PIAS2: variants seen among roughly 807,000 people sequenced by gnomAD.
PIAS2 encodes protein inhibitor of activated STAT 2.
PIAS2 carries 19 observed loss-of-function variants against 69.7 expected under a neutral mutation model. That is an observed-to-expected ratio of 0.27 (90% CI 0.19 to 0.40). PIAS2 has a LOEUF of 0.40. Ranked by LOEUF, PIAS2 falls within the 10% of genes least tolerant of loss-of-function variation. The probability of loss-of-function intolerance (pLI) is 1.00; values close to 1 mark genes in which losing one functional copy is unlikely to be tolerated. For missense variants in PIAS2, 624 were observed against 757.0 expected, an observed-to-expected ratio of 0.82 and a Z score of 2.06; for synonymous variants, 261 against 263.2, an observed-to-expected ratio of 0.99 and a Z score of 0.08.
At chr18:46,865,456 C>CTTGAACCTGGGAGGTGGAGG (rs2049292459) in intron 2 of PIAS2, among the ~76,000 whole-genome samples, 1 of 150,058 alleles carries the variant, frequency 6.7e-6, no homozygotes, top group African/African-American at 2.5e-5. Flanking sequence ...AGAAGAATCG[C>CTTGAACCTGGGAGGTGGAGG]TTGAACCTGG....
rs558488438 is a variant in PIAS2, at chr18:46,820,981, C to T, written c.1600G>A (p.Val534Ile). ...AIPPSLTDYSVPFHHTPISSM... is the reference protein window; with the variant it reads ...AIPPSLTDYSIPFHHTPISSM... The stretch of plus-strand genomic sequence containing the variant: ...GATATTGGCGTATGGTGGAATGGTA[C>T]TGAGTAGTCTGTTAATGAAGGCGGA... The change falls in exon 12 of 14, where the codon GTA (valine) becomes ATA (isoleucine). Residue 534 changes from valine (V) to isoleucine (I), a missense_variant. Coordinates refer to ENST00000585916, the MANE Select transcript of PIAS2 (RefSeq NM_004671.5). 1.8e-4 allele frequency: 283 copies of T among 1,613,448 alleles called. 4 individuals are homozygous for T. The South Asian group carries it at 2.6e-3, about 15-fold the overall frequency.
In PIAS2 at chr18:46,917,362, G is replaced by GCGC; in HGVS notation, c.-20_-18dup. Reference sequence around the variant, plus strand: ...ATCCGCCATTTTATACCACCCGCGGGCGCCGCCGCCGCTGCCGCCGCACCC... The same window carrying GCGC: ...ATCCGCCATTTTATACCACCCGCGGGCGCCGCCGCCGCCGCTGCCGCCGCACCC... On this transcript the variant is annotated 5_prime_UTR_variant, in exon 1 of 14. Coordinates refer to ENST00000585916, the MANE Select transcript of PIAS2 (RefSeq NM_004671.5). 14 of 1,460,776 alleles carry GCGC rather than the reference G, an allele frequency of 9.6e-6. No individual in the cohort carries two copies. Among genetic ancestry groups the GCGC allele is most frequent in the Non-Finnish European group, 9.1e-6 (10 of 1,101,096 alleles). 90.5% of individuals were successfully genotyped at this position (1,460,776 alleles called of 1,614,324 possible).
At position 46,876,929 on chromosome 18, in the gene PIAS2, T is replaced by C. The variant is rs560788144; in HGVS notation, c.500-12681A>G. 1.5e-3 allele frequency among the ~76,000 whole-genome samples: 223 copies of C among 152,260 alleles called. 1 individual carries two copies. The highest frequency in any genetic ancestry group is 1.3e-3 in the Non-Finnish European group (86 of 68,018). On this transcript the variant is annotated intron_variant, in intron 2 of 13. Transcript: ENST00000585916. ...GTTAGCCAGGATGGTCTCGATCTCC[T>C]GACCTCATGATCCACCTGCCTCAGC...
intron 2 of PIAS2, among the ~76,000 whole-genome samples, chr18:46,877,011 T>G (rs552222306): frequency 6.6e-6 from 1 of 152,326 alleles, no homozygotes; most frequent in South Asian, 2.1e-4. Flanking sequence ...CCTTCACTAA[T>G]TTAATGGAAA....
rs1359633248 is a variant in PIAS2 at position 46,855,538 on chromosome 18, T to G, written c.635+27A>C. The G allele has an allele frequency of 4.4e-6, 7 of 1,604,532 alleles. No individual in the cohort carries two copies. The African/African-American group carries it at 5.4e-5, about 12-fold the overall frequency. Reference sequence around the variant, plus strand: ...TGCACATAGTAAGCAAGTATAAAACTAAGGTAACAGAAAATTTCAAACTCA... The same window carrying G: ...TGCACATAGTAAGCAAGTATAAAACGAAGGTAACAGAAAATTTCAAACTCA... On this transcript the variant is annotated intron_variant, in intron 4 of 13. Coordinates refer to ENST00000585916, the MANE Select transcript of PIAS2 (RefSeq NM_004671.5).
Position 46,806,248 on chromosome 18 carries a change from C to A in PIAS2, c.*6185G>T. ...ATTCACTGTGACCTTGGGAAACTTA[C>A]CTAAACCTGTTTCATTTGTAAAATG... is the stretch of plus-strand genomic sequence containing the variant. On this transcript the variant is annotated 3_prime_UTR_variant, in exon 14 of 14. Coordinates refer to ENST00000585916, the MANE Select transcript of PIAS2 (RefSeq NM_004671.5). 1 of 151,304 alleles carries A rather than the reference C, an allele frequency of 6.6e-6. No individual in the cohort carries two copies. The highest frequency in any genetic ancestry group is 2.4e-5 in the African/African-American group (1 of 41,242). The allele number at this position is 151,304 out of a possible 1,614,324, so 9.4% of individuals were successfully genotyped here. A position where few individuals can be genotyped will look rare whatever the true frequency, so the allele number is the denominator to read the frequency against.
intron 8 of PIAS2, among the ~76,000 whole-genome samples, chr18:46,843,186 G>C (rs2045675188): frequency 6.6e-6 from 1 of 152,070 alleles, no homozygotes; most frequent in Non-Finnish European, 1.5e-5. Flanking sequence ...CCTCCACACA[G>C]GTTTGCTAAG....
At position 46,809,470 on chromosome 18, in the gene PIAS2, T is replaced by G. The variant is rs1314181969; in HGVS notation, c.*2963A>C. 1.3e-5 allele frequency: 2 copies of G among 152,172 alleles called. No homozygotes were observed. Among genetic ancestry groups the G allele is most frequent in the Non-Finnish European group, 2.9e-5 (2 of 68,068 alleles). The allele number at this position is 152,172 out of a possible 1,614,324, so 9.4% of individuals were successfully genotyped here. A position where few individuals can be genotyped will look rare whatever the true frequency, so the allele number is the denominator to read the frequency against. ...GTGAAGAAAGATAAAAACATTTTATTTTGGCCAGGCGCGGTGGCTCACGCC... is the reference window on the plus strand; with the variant it reads ...GTGAAGAAAGATAAAAACATTTTATGTTGGCCAGGCGCGGTGGCTCACGCC... On this transcript the variant is annotated 3_prime_UTR_variant, in exon 14 of 14. Coordinates refer to ENST00000585916, the MANE Select transcript of PIAS2 (RefSeq NM_004671.5).
chr18:46,861,490 G>A (rs1017778727), intron 3 of PIAS2, among the ~76,000 whole-genome samples: 1 of 152,056 alleles, frequency 6.6e-6, no homozygotes, highest in African/African-American at 2.4e-5. Flanking sequence ...ATCAACAAAG[G>A]AACAAACAGT....
intron 5 of PIAS2, among the ~76,000 whole-genome samples, chr18:46,850,171 T>C (rs2145340550): frequency 6.6e-6 from 1 of 152,324 alleles, no homozygotes; most frequent in South Asian, 2.1e-4. Context: ...TACTTACCCA[T>C]GAACAATCTT....
intron 1 of PIAS2, among the ~76,000 whole-genome samples, chr18:46,892,320 A>C (rs71364569): frequency 0.014 from 2,127 of 152,322 alleles, 15 homozygotes; most frequent in Non-Finnish European, 0.021. Flanking sequence ...CACTGTCATA[A>C]CTGTACTTTG....
intron 2 of PIAS2, among the ~76,000 whole-genome samples, chr18:46,873,931 T>C (rs1600092518): frequency 6.6e-6 from 1 of 151,882 alleles, no homozygotes; most frequent in Admixed American, 6.6e-5. Context: ...AAAGGAGAAG[T>C]TAATAAAAAT....
Position 46,815,406 on chromosome 18 carries a change from T to C in PIAS2, c.1649-57A>G, listed in dbSNP as rs949790374. The stretch of plus-strand genomic sequence containing the variant: ...TCATATTTTGGGAGACCAGAATTAT[T>C]TCCCTAAATCATCTTTATCACAAAT... On this transcript the variant is annotated intron_variant, in intron 12 of 13. Transcript: ENST00000585916. 2.5e-6 allele frequency: 4 copies of C among 1,606,578 alleles called. No individual in the cohort carries two copies. In the African/African-American group the frequency reaches 4.0e-5, roughly 16 times the overall value.
chr18:46,884,228 T>C (rs1160363297), intron 2 of PIAS2, among the ~76,000 whole-genome samples: 2 of 152,166 alleles, frequency 1.3e-5, no homozygotes, highest in Admixed American at 1.3e-4. Context: ...TTAACATGTT[T>C]TATATACATA....
chr18:46,902,012 G>C (rs964470258), intron 1 of PIAS2, among the ~76,000 whole-genome samples: 1 of 152,084 alleles, frequency 6.6e-6, no homozygotes, highest in African/African-American at 2.4e-5. Context: ...TGTTCACATA[G>C]AAAATCTCAA....
chr18:46,829,265 A>C (rs1454306306), intron 10 of PIAS2, among the ~76,000 whole-genome samples: 1 of 152,146 alleles, frequency 6.6e-6, no homozygotes, highest in Non-Finnish European at 1.5e-5. Flanking sequence ...CAATGTTAAA[A>C]TTCTTCTCCA....
At position 46,829,796 on chromosome 18, in the gene PIAS2, C is replaced by T; in HGVS notation, c.1274G>A (p.Cys425Tyr). The T allele has an allele frequency of 1.2e-6, 2 of 1,612,400 alleles. No individual in the cohort carries two copies. Among genetic ancestry groups the T allele is most frequent in the Non-Finnish European group, 1.7e-6 (2 of 1,178,564 alleles). The part of the protein sequence containing the change: ...EIKFQEDGSW[C>Y]PMRPKKEAMK... ...AGCTTCTTTCTTCGGTCTCATTGGA[C>T]ACCAAGAACCATCTTCTTGGAATTT... Residue 425 changes from cysteine (C) to tyrosine (Y), a missense_variant, in exon 10 of 14, where the codon TGT becomes TAT. By Grantham distance (194) the Cys-to-Tyr change is radical (BLOSUM62 -2). This residue lies in a region of PIAS2 where 241 missense variants were observed against 257.3 expected (regional missense o/e 0.94). Coordinates refer to ENST00000585916, the MANE Select transcript of PIAS2 (RefSeq NM_004671.5).
chr18:46,907,500 C>G (rs919613533), intron 1 of PIAS2: 1 of 151,832 alleles, frequency 6.6e-6, no homozygotes, highest in Non-Finnish European at 1.5e-5. Context: ...ATCTGGCAAA[C>G]GAAACAGAAA....
chr18:46,880,527 C>A (rs2052052660), intron 2 of PIAS2, among the ~76,000 whole-genome samples: 1 of 152,148 alleles, frequency 6.6e-6, no homozygotes. Context: ...GGATGCAGTG[C>A]ACAATGATCA....
Sources: allele counts gnomAD v4.1 joint callset (sites outside exome capture counted in the v4.1 genomes callset), GRCh38; gene constraint gnomAD v4.1.1; regional missense constraint gnomAD v4.1.1; transcripts MANE v1.5; gene names NCBI Gene and HGNC (gene_info 2026-07-23, HGNC 2026-07-21).